Variants in C12orf42 observed in about 807,000 individuals in gnomAD.
C12orf42 encodes the protein chromosome 12 open reading frame 42.
In C12orf42, 25 loss-of-function variants were observed where a neutral mutation model predicts 21.6. The observed-to-expected ratio is 1.16, with a 90% CI of 0.84 to 1.62. C12orf42 has a LOEUF of 1.62. Among genes scored for constraint, C12orf42 ranks in the 40% most tolerant of loss-of-function variants. C12orf42 has a pLI of 0.00. For synonymous variants in C12orf42, 174 were observed against 175.0 expected (o/e 0.99, Z 0.05); for missense variants, 483 against 459.3 (o/e 1.05, Z -0.47).
chr12:103,137,371 A>AG, the C12orf42 span, among the ~76,000 whole-genome samples: 1 of 151,720 alleles, frequency 6.6e-6, no homozygotes, highest in African/African-American at 2.4e-5. Flanking sequence ...AAAAAAAAAA[A>AG]CAGACGCTGG....
At chr12:103,302,782 T>C (rs1238938694) in intron 5 of C12orf42, among the ~76,000 whole-genome samples, 1 of 150,592 alleles carries the variant, frequency 6.6e-6, no homozygotes, top group Non-Finnish European at 1.5e-5. Context: ...TGAAACCACC[T>C]ACCCAACACC....
chr12:103,095,163 T>C, the C12orf42 span, among the ~76,000 whole-genome samples: 211 of 152,250 alleles, frequency 1.4e-3, no homozygotes, highest in Non-Finnish European at 2.5e-3. Flanking sequence ...CCTTCCCTCA[T>C]AGTCTATTTC....
the C12orf42 span, among the ~76,000 whole-genome samples, chr12:103,086,241 G>A: frequency 6.6e-6 from 1 of 151,986 alleles, no homozygotes; most frequent in African/African-American, 2.4e-5. Flanking sequence ...GCACCAAAGA[G>A]TTACTTTACT....
At chr12:103,522,119 G>A in the C12orf42 span, among the ~76,000 whole-genome samples, 5 of 152,148 alleles carry the variant, frequency 3.3e-5, no homozygotes, top group Non-Finnish European at 7.4e-5. Flanking sequence ...GGCAGGGTCA[G>A]GTGGAGATAA....
At chr12:103,273,638 T>C (rs1315622406) in intron 5 of C12orf42, among the ~76,000 whole-genome samples, 1 of 152,078 alleles carries the variant, frequency 6.6e-6, no homozygotes, top group Non-Finnish European at 1.5e-5. Flanking sequence ...ATATACAGGA[T>C]GTTTTGTCTA....
At chr12:103,343,441 A>G (rs1205634571) in intron 4 of C12orf42, among the ~76,000 whole-genome samples, 5 of 152,198 alleles carry the variant, frequency 3.3e-5, no homozygotes, top group Admixed American at 6.5e-5. Context: ...ATGATCTTAA[A>G]AGAAGCAATA....
the C12orf42 span, among the ~76,000 whole-genome samples, chr12:103,149,255 A>C: frequency 6.6e-6 from 1 of 152,188 alleles, no homozygotes; most frequent in Non-Finnish European, 1.5e-5. Context: ...ATTTGGGACC[A>C]TAAAATGTGG....
chr12:103,511,568 T>C, the C12orf42 span, among the ~76,000 whole-genome samples: 2 of 152,090 alleles, frequency 1.3e-5, 1 homozygote, highest in South Asian at 4.2e-4. Context: ...ACTCCCCTTT[T>C]ACCGCTCTTC....
intron 10 of C12orf42, among the ~76,000 whole-genome samples, chr12:103,250,149 A>T (rs551098815): frequency 6.6e-6 from 1 of 152,076 alleles, no homozygotes; most frequent in African/African-American, 2.4e-5. Context: ...ACTTCTTGGA[A>T]TGTCGGCTAA....
chr12:103,323,858 A>G (rs769011648), intron 4 of C12orf42, among the ~76,000 whole-genome samples: 35 of 152,232 alleles, frequency 2.3e-4, no homozygotes, highest in Non-Finnish European at 4.3e-4. Flanking sequence ...AGCCTGGCAT[A>G]TAACATATTA....
chr12:103,409,721 T>C (rs1271200137), intron 2 of C12orf42, among the ~76,000 whole-genome samples: 2 of 152,200 alleles, frequency 1.3e-5, no homozygotes, highest in Non-Finnish European at 2.9e-5. Context: ...ATAAGATTTT[T>C]TCCCTACCAA....
At chr12:103,166,736 T>G in the C12orf42 span, among the ~76,000 whole-genome samples, 1 of 152,202 alleles carries the variant, frequency 6.6e-6, no homozygotes, top group African/African-American at 2.4e-5. Flanking sequence ...TACTCTTTCT[T>G]TACATACCCA....
At chr12:103,335,371 C>G (rs1424361781) in intron 4 of C12orf42, among the ~76,000 whole-genome samples, 1 of 152,194 alleles carries the variant, frequency 6.6e-6, no homozygotes, top group Admixed American at 6.5e-5. Context: ...GATTTAAGAA[C>G]CCAGTTAAAG....
At chr12:103,274,020 C>T in intron 5 of C12orf42, 1 of 440,504 alleles carries the variant, frequency 2.3e-6, no homozygotes, top group Non-Finnish European at 4.6e-6. Context: ...TTTTTTAGTT[C>T]CTCTCTGCCT....
chr12:103,563,055 T>G, the C12orf42 span, among the ~76,000 whole-genome samples: 1 of 152,160 alleles, frequency 6.6e-6, no homozygotes, highest in Admixed American at 6.5e-5. Flanking sequence ...ATCTGGAGGG[T>G]TTCTTTTAAG....
chr12:103,305,424 T>C (rs1566043293), intron 5 of C12orf42, among the ~76,000 whole-genome samples: 1 of 152,178 alleles, frequency 6.6e-6, no homozygotes. Flanking sequence ...TTTTTACAGA[T>C]GAAAAAACTG....
At chr12:103,195,795 T>C in the C12orf42 span, among the ~76,000 whole-genome samples, 1 of 152,134 alleles carries the variant, frequency 6.6e-6, no homozygotes, top group Non-Finnish European at 1.5e-5. Context: ...TTTAATTAAA[T>C]CCAATTTCTC....
At chr12:103,067,836 G>A in the C12orf42 span, among the ~76,000 whole-genome samples, 4 of 152,150 alleles carry the variant, frequency 2.6e-5, no homozygotes, top group East Asian at 1.9e-4. Flanking sequence ...GTTGGTTGTG[G>A]TGATTGACCC....
chr12:103,185,658 G>A, the C12orf42 span, among the ~76,000 whole-genome samples: 1 of 152,108 alleles, frequency 6.6e-6, no homozygotes, highest in Non-Finnish European at 1.5e-5. Context: ...GACCTGGTGG[G>A]AGAGAATTTG....
Sources: allele counts gnomAD v4.1 joint callset (sites outside exome capture counted in the v4.1 genomes callset), GRCh38; gene constraint gnomAD v4.1.1; transcripts MANE v1.5; gene names NCBI Gene and HGNC (gene_info 2026-07-23, HGNC 2026-07-21).